Variants in FTO observed in about 807,000 individuals in gnomAD.
FTO encodes alpha-ketoglutarate-dependent dioxygenase FTO.
FTO carries 47 observed loss-of-function variants against 63.9 expected under a neutral mutation model. The ratio of observed to expected loss-of-function variants is 0.74; its 90% CI spans 0.58 to 0.94. The LOEUF is 0.94. FTO is among the 40% of genes least tolerant of loss of function. FTO has a pLI of 0.00. For synonymous variants in FTO, 207 were observed against 224.4 expected (o/e 0.92, Z 0.69); for missense variants, 562 against 618.1 (o/e 0.91, Z 0.96).
chr16:53,907,174 C>T (rs1265913870), intron 7 of FTO, among the ~76,000 whole-genome samples: 1 of 152,138 alleles, frequency 6.6e-6, no homozygotes, highest in East Asian at 1.9e-4. Flanking sequence ...CTGATATACC[C>T]ATTGAAAGTT....
chr16:53,786,615 T>A (rs9939609), intron 1 of FTO, among the ~76,000 whole-genome samples: 62,037 of 151,992 alleles, frequency 0.41, 13,093 homozygotes, highest in African/African-American at 0.48. Flanking sequence ...CTGTGAATTT[T>A]GTGATGCACT....
chr16:53,779,825 G>A (rs2151652933), intron 1 of FTO, among the ~76,000 whole-genome samples: 1 of 152,262 alleles, frequency 6.6e-6, no homozygotes, highest in South Asian at 2.1e-4. Flanking sequence ...AGATGCTCTA[G>A]TAGGTGTTTT....
Position 53,825,943 on chromosome 16 carries a change from C to A in FTO, c.203C>A (p.Ala68Asp). 1 of 1,614,142 alleles carries A rather than the reference C, an allele frequency of 6.2e-7. No individual in the cohort carries two copies. Among genetic ancestry groups the A allele is most frequent in the Non-Finnish European group, 8.5e-7 (1 of 1,180,038 alleles). The change falls in exon 3 of 9, where the codon GCC (alanine) becomes GAC (aspartate). Residue 68 changes from alanine (A) to aspartate (D), a missense_variant. By Grantham distance (126) the Ala-to-Asp change is moderately radical. Transcript: ENST00000471389. ...GAGCTCCATAAAGAGGTTCAAGAAG[C>A]CTTTCTCACACTGCACAAGCATGGC... ...SEELHKEVQE[A>D]FLTLHKHGCL... is the part of the protein sequence containing the mutation.
chr16:54,083,113 TG>T (rs1237467380), intron 8 of FTO, among the ~76,000 whole-genome samples: 46 of 152,286 alleles, frequency 3.0e-4, no homozygotes, highest in African/African-American at 1.0e-3. Flanking sequence ...CAGAAAATTA[TG>T]GGGGGAAAAG....
chr16:53,992,525 C>T (rs2083835337), intron 8 of FTO: 1 of 152,132 alleles, frequency 6.6e-6, no homozygotes, highest in Non-Finnish European at 1.5e-5. Flanking sequence ...TCTCTTCGTG[C>T]CTGGTGCCCT....
chr16:53,930,871 T>A (rs752821106), intron 7 of FTO, among the ~76,000 whole-genome samples: 1 of 152,246 alleles, frequency 6.6e-6, no homozygotes, highest in African/African-American at 2.4e-5. Flanking sequence ...TATGAGTTTA[T>A]AATTTATGTA....
chr16:53,821,088 T>G (rs1400138206), intron 2 of FTO, among the ~76,000 whole-genome samples: 2 of 152,208 alleles, frequency 1.3e-5, no homozygotes, highest in Admixed American at 6.5e-5. Flanking sequence ...ATTAAATATA[T>G]CTTATGCAGT....
intron 7 of FTO, among the ~76,000 whole-genome samples, chr16:53,901,668 G>A (rs116491512): frequency 3.8e-4 from 58 of 152,236 alleles, no homozygotes; most frequent in African/African-American, 1.3e-3. Flanking sequence ...TTGAAAGACT[G>A]AGTAAATGTT....
chr16:53,961,367 T>C (rs1002121994), intron 8 of FTO, among the ~76,000 whole-genome samples: 1 of 152,206 alleles, frequency 6.6e-6, no homozygotes, highest in Non-Finnish European at 1.5e-5. Flanking sequence ...GTGCTGGAGA[T>C]AAAATGAATG....
At chr16:53,831,415 G>A (rs192969462) in intron 3 of FTO, among the ~76,000 whole-genome samples, 23 of 151,876 alleles carry the variant, frequency 1.5e-4, no homozygotes, top group Admixed American at 3.9e-4. Context: ...CTAACAATAA[G>A]GTCTCCCATG....
At chr16:54,093,859 G>GA (rs2086453037) in intron 8 of FTO, among the ~76,000 whole-genome samples, 1 of 152,116 alleles carries the variant, frequency 6.6e-6, no homozygotes, top group African/African-American at 2.4e-5. Context: ...TTCCCTGTTG[G>GA]AAAAAGCCTT....
At chr16:54,069,432 A>G (rs867491902) in intron 8 of FTO, among the ~76,000 whole-genome samples, 45 of 152,318 alleles carry the variant, frequency 3.0e-4, no homozygotes, top group Middle Eastern at 6.8e-3. Context: ...TTAGGTTTGC[A>G]TATTTATTTA....
intron 7 of FTO, among the ~76,000 whole-genome samples, chr16:53,898,967 A>G (rs2081339780): frequency 1.3e-5 from 2 of 152,196 alleles, no homozygotes; most frequent in South Asian, 4.1e-4. Flanking sequence ...GAATAACAGC[A>G]CCTGGCCAAT....
intron 8 of FTO, among the ~76,000 whole-genome samples, chr16:54,081,415 A>G (rs1025808693): frequency 2.0e-5 from 3 of 152,172 alleles, no homozygotes; most frequent in Admixed American, 1.3e-4. Flanking sequence ...TATTGGCATT[A>G]CACTCACAGA....
At chr16:53,780,514 T>C (rs1234078680) in intron 1 of FTO, among the ~76,000 whole-genome samples, 1 of 152,130 alleles carries the variant, frequency 6.6e-6, no homozygotes, top group Non-Finnish European at 1.5e-5. Context: ...CTGGGCTCAC[T>C]GTAACCACCT....
At chr16:53,808,098 G>A (rs935393017) in intron 1 of FTO, among the ~76,000 whole-genome samples, 1 of 152,066 alleles carries the variant, frequency 6.6e-6, no homozygotes, top group Non-Finnish European at 1.5e-5. Context: ...TGAGGCCAAG[G>A]CGGGCAGATC....
chr16:54,028,431 G>A (rs1222112104), intron 8 of FTO, among the ~76,000 whole-genome samples: 1 of 152,180 alleles, frequency 6.6e-6, no homozygotes, highest in East Asian at 1.9e-4. Context: ...GTAACAAGGT[G>A]TTCCTTTTGG....
At chr16:54,073,461 A>G (rs2085917104) in intron 8 of FTO, among the ~76,000 whole-genome samples, 1 of 152,004 alleles carries the variant, frequency 6.6e-6, no homozygotes, top group African/African-American at 2.4e-5. Flanking sequence ...GTGGGTTTTC[A>G]GGAACGTGTG....
At chr16:53,717,841 AGAT>A (rs2075932161) in intron 1 of FTO, among the ~76,000 whole-genome samples, 1 of 152,130 alleles carries the variant, frequency 6.6e-6, no homozygotes, top group Non-Finnish European at 1.5e-5. Flanking sequence ...TTAAATAATC[AGAT>A]CTGCTTTTTA....
Sources: gnomAD v4.1 joint callset for allele counts (sites outside exome capture counted in the v4.1 genomes callset) on GRCh38, gnomAD v4.1.1 for gene constraint, MANE v1.5 for transcripts, NCBI Gene and HGNC (gene_info 2026-07-23, HGNC 2026-07-21) for gene names.